UBE2Q2: variants seen among roughly 807,000 people sequenced by gnomAD.
UBE2Q2 encodes the protein ubiquitin-conjugating enzyme E2 Q2.
A neutral mutation model predicts 59.9 loss-of-function variants in UBE2Q2; 54 were observed. That is an observed-to-expected ratio of 0.90 (90% CI 0.72 to 1.13). The LOEUF (loss-of-function observed/expected upper bound fraction) is 1.13, where lower values mean the gene tolerates loss of function less well. Ranked by LOEUF, UBE2Q2 falls within the 50% of genes most tolerant of loss-of-function variation. The probability of loss-of-function intolerance (pLI) is 0.00; values close to 1 mark genes in which losing one functional copy is unlikely to be tolerated. For synonymous variants in UBE2Q2, 165 were observed against 155.2 expected, an observed-to-expected ratio of 1.06 and a Z score of -0.47; for missense variants, 433 against 441.9, an observed-to-expected ratio of 0.98 and a Z score of 0.18.
At chr15:75,861,138 A>G (rs1022299415) in intron 3 of UBE2Q2, among the ~76,000 whole-genome samples, 1 of 152,262 alleles carries the variant, frequency 6.6e-6, no homozygotes, top group African/African-American at 2.4e-5. Flanking sequence ...GGATTAAATG[A>G]GTTCGTACAA....
intron 3 of UBE2Q2, among the ~76,000 whole-genome samples, chr15:75,864,236 G>A (rs1897337598): frequency 6.6e-6 from 1 of 152,036 alleles, no homozygotes; most frequent in African/African-American, 2.4e-5. Context: ...GACTTGGAAA[G>A]CTTTACATCT....
At chr15:75,844,403 G>C (rs752410379) in intron 1 of UBE2Q2, 1 of 1,551,576 alleles carries the variant, frequency 6.4e-7, no homozygotes, top group South Asian at 1.2e-5. Context: ...AGACTCTGGT[G>C]CTGTTTGAGC....
In UBE2Q2 at chr15:75,879,160, A is replaced by C; in HGVS notation, c.797A>C (p.Glu266Ala). The change falls in exon 8 of 13, where the codon GAA (glutamate) becomes GCA (alanine). Residue 266 changes from glutamate to alanine, a missense_variant. Physicochemically the swap from Glu to Ala is moderately radical, Grantham distance 107. Transcript: ENST00000267938. ...ATCTTAAAAGAAAAAGAAGGCATAGAATATATTTTGCTTAACTTCTCTTTT... is the reference window on the plus strand; with the variant it reads ...ATCTTAAAAGAAAAAGAAGGCATAGCATATATTTTGCTTAACTTCTCTTTT... ...LQILKEKEGI[E>A]YILLNFSFKD... 6.2e-7 allele frequency: 1 copy of C among 1,600,610 alleles called. No homozygotes were observed. Among genetic ancestry groups the C allele is most frequent in the African/African-American group, 1.3e-5 (1 of 74,412 alleles).
At chr15:75,877,153 C>A (rs1898128189) in intron 6 of UBE2Q2, among the ~76,000 whole-genome samples, 1 of 71,030 alleles carries the variant, frequency 1.4e-5, no homozygotes, top group East Asian at 4.5e-4. Flanking sequence ...AAGAGTGAGA[C>A]TCTGTCAAAA....
chr15:75,891,815 A>G, intron 11 of UBE2Q2, among the ~76,000 whole-genome samples: 1 of 152,184 alleles, frequency 6.6e-6, no homozygotes, highest in East Asian at 1.9e-4. Flanking sequence ...TGTTACCATG[A>G]CTTTTAGCAA....
At chr15:75,854,265 C>A in intron 1 of UBE2Q2, 121 bp from the exon 2 acceptor site, 1 of 650,074 alleles carries the variant, frequency 1.5e-6, no homozygotes, top group Non-Finnish European at 2.5e-6. Flanking sequence ...AATATGTTGC[C>A]TTTTCCCCCC....
chr15:75,862,760 G>A (rs1049683055), intron 3 of UBE2Q2, among the ~76,000 whole-genome samples: 2 of 149,754 alleles, frequency 1.3e-5, no homozygotes, highest in African/African-American at 4.9e-5. Context: ...GGCTGCAGTG[G>A]GCTGTGATCA....
chr15:75,847,588 ATCTT>A (rs530891262), intron 1 of UBE2Q2, among the ~76,000 whole-genome samples: 108 of 152,316 alleles, frequency 7.1e-4, no homozygotes, highest in African/African-American at 2.5e-3. Flanking sequence ...TAGTTTTTCC[ATCTT>A]CAGTAAACTA....
intron 11 of UBE2Q2, among the ~76,000 whole-genome samples, chr15:75,893,174 G>GT (rs907627353): frequency 1.3e-5 from 2 of 152,106 alleles, no homozygotes; most frequent in Non-Finnish European, 2.9e-5. Context: ...ATGGACTAAA[G>GT]TTACCAGTTA....
chr15:75,843,589 T>C lies in UBE2Q2; in HGVS notation c.-78T>C. On this transcript the variant is annotated 5_prime_UTR_variant, in exon 1 of 13. Transcript: ENST00000267938. ...CGGCCCCGCGGGGCGGTCGCGGCCG[T>C]GACGGCGGCTCCGGGCCCGGCTCCC... The C allele has an allele frequency of 1.6e-6, 2 of 1,283,948 alleles. No homozygotes were observed. The highest frequency in any genetic ancestry group is 2.1e-6 in the Non-Finnish European group (2 of 970,010). 79.5% of individuals were successfully genotyped at this position (1,283,948 alleles called of 1,614,324 possible).
chr15:75,844,033 A>G, intron 1 of UBE2Q2, 187 bp downstream of exon 1: 1 of 1,405,588 alleles, frequency 7.1e-7, no homozygotes, highest in Non-Finnish European at 9.2e-7. Context: ...GGGTGGGAGG[A>G]GGCGGAGGGC....
At chr15:75,883,313 A>G (rs1012412185) in intron 8 of UBE2Q2, 53 bp from the exon 9 acceptor site, 6 of 1,464,682 alleles carry the variant, frequency 4.1e-6, no homozygotes, top group Non-Finnish European at 5.7e-6. Context: ...TCTAAATAGT[A>G]TAACACTAAG....
intron 9 of UBE2Q2, 37 bp from the exon 10 acceptor site, chr15:75,890,398 C>T: frequency 6.5e-7 from 1 of 1,541,746 alleles, no homozygotes; most frequent in Non-Finnish European, 8.8e-7. Context: ...AGGAATAATT[C>T]TCGAGAATTT....
intron 8 of UBE2Q2, 73 bp downstream of exon 8, chr15:75,879,261 A>C (rs1352953294): frequency 1.6e-5 from 14 of 901,100 alleles, no homozygotes; most frequent in Admixed American, 5.2e-5. Context: ...TTTGGAAAAC[A>C]ATTTGGTAAA....
intron 7 of UBE2Q2, among the ~76,000 whole-genome samples, chr15:75,878,631 G>T (rs1272133190): frequency 6.6e-6 from 1 of 150,904 alleles, no homozygotes; most frequent in Non-Finnish European, 1.5e-5. Flanking sequence ...AAAAAAAGTT[G>T]GGGGGAGGTG....
intron 1 of UBE2Q2, among the ~76,000 whole-genome samples, chr15:75,845,517 G>C (rs1896297819): frequency 6.6e-6 from 1 of 152,128 alleles, no homozygotes; most frequent in Non-Finnish European, 1.5e-5. Context: ...GAAAAGGTAG[G>C]GCTGGTTTGA....
At chr15:75,850,497 C>G (rs1296179375) in intron 1 of UBE2Q2, among the ~76,000 whole-genome samples, 1 of 152,212 alleles carries the variant, frequency 6.6e-6, no homozygotes, top group African/African-American at 2.4e-5. Flanking sequence ...AACTAGAGGT[C>G]TAGCTTCAGG....
intron 8 of UBE2Q2, 119 bp downstream of exon 8, chr15:75,879,307 C>G (rs112176632): frequency 2.2e-5 from 12 of 550,852 alleles, no homozygotes; most frequent in African/African-American, 1.4e-4. Context: ...TCAGGAATCT[C>G]GTAGACATAT....
rs565834291 is a variant in UBE2Q2, at chr15:75,890,573, T to G, written c.933+90T>G. The G allele has an allele frequency of 5.4e-6, 6 of 1,106,946 alleles. No individual in the cohort carries two copies. In the South Asian group the frequency reaches 6.9e-5, roughly 13 times the overall value. 68.6% of individuals were successfully genotyped at this position (1,106,946 alleles called of 1,614,324 possible). ...TGTAAGTAGAAAATTCTTTAATAGC[T>G]CCTACTCTTAAATTTTAGTTTATTT... On this transcript the variant is annotated intron_variant, in intron 10 of 12. Coordinates refer to ENST00000267938, the MANE Select transcript of UBE2Q2 (RefSeq NM_173469.4).
Sources: allele counts gnomAD v4.1 joint callset (sites outside exome capture counted in the v4.1 genomes callset), GRCh38; gene constraint gnomAD v4.1.1; transcripts MANE v1.5; gene names NCBI Gene and HGNC (gene_info 2026-07-23, HGNC 2026-07-21).